The following DCAF6 variants were observed in gnomAD, a reference collection of about 807,000 sequenced individuals.
The protein encoded by DCAF6 is DDB1 and CUL4 associated factor 6, also known as DDB1- and CUL4-associated factor 6.
Under a neutral mutation model 125.1 loss-of-function variants are expected in DCAF6, and 54 were observed. That is an observed-to-expected ratio of 0.43 (90% confidence interval 0.35 to 0.54). The LOEUF (loss-of-function observed/expected upper bound fraction) is 0.54. Ranked by LOEUF, DCAF6 falls within the 20% of genes least tolerant of loss-of-function variation. DCAF6 has a pLI of 0.01. For synonymous variants in DCAF6, 371 were observed against 390.4 expected (o/e 0.95, Z 0.58); for missense variants, 934 against 1,161.7 (o/e 0.80, Z 2.85).
intron 2 of DCAF6, among the ~76,000 whole-genome samples, chr1:167,963,601 TGTGTTTTA>T: frequency 6.6e-6 from 1 of 150,892 alleles, no homozygotes; most frequent in South Asian, 2.1e-4. Context: ...AGCTAATTTT[TGTGTTTTA>T]GTAGAGATGG....
In DCAF6 at chr1:168,044,982, G is replaced by C. The variant is rs1225600258; in HGVS notation, c.2013G>C (p.Gly671=). 1 of 1,614,076 alleles carries C rather than the reference G, an allele frequency of 6.2e-7. No homozygotes were observed. The highest frequency in any genetic ancestry group is 8.5e-7 in the Non-Finnish European group (1 of 1,179,972). Residue 671 remains glycine, a synonymous_variant, in exon 16 of 22, where the codon GGG becomes GGC. Transcript: ENST00000367840. ...RNDLNLDRSC[G]VPEESASSEK... is the part of the protein sequence containing the mutation. ...ACCTCAATCTTGATCGCTCTTGTGG[G>C]GTTCCAGAAGAATCTGCTTCATCTG... is the stretch of plus-strand genomic sequence containing the variant.
At chr1:167,886,117 A>G in the DCAF6 span, among the ~76,000 whole-genome samples, 1 of 152,124 alleles carries the variant, frequency 6.6e-6, no homozygotes, top group Non-Finnish European at 1.5e-5. Context: ...AAATGGCCAT[A>G]CTGCTCAAGG....
At chr1:168,023,900 C>G (rs76667324) in intron 12 of DCAF6, 5 of 151,920 alleles carry the variant, frequency 3.3e-5, no homozygotes, top group Admixed American at 1.3e-4. Flanking sequence ...TGATTTAACA[C>G]GATATTCACT....
the DCAF6 span, among the ~76,000 whole-genome samples, chr1:167,907,720 A>T: frequency 6.6e-6 from 1 of 152,256 alleles, no homozygotes; most frequent in Non-Finnish European, 1.5e-5. Flanking sequence ...GCAAGCCAAC[A>T]TTATTTCCTA....
intron 7 of DCAF6, among the ~76,000 whole-genome samples, chr1:168,000,286 C>CATA (rs1160475613): frequency 6.6e-6 from 1 of 151,990 alleles, no homozygotes; most frequent in Non-Finnish European, 1.5e-5. Flanking sequence ...CACAGATCAC[C>CATA]ATAATAGGTA....
intron 17 of DCAF6, chr1:168,056,499 C>A: frequency 5.6e-6 from 1 of 177,442 alleles, no homozygotes; most frequent in East Asian, 2.6e-4. Flanking sequence ...GGGGCCCAGG[C>A]TTAAGTTTTT....
rs565197661 is a variant in DCAF6 at position 167,955,572 on chromosome 1, A to C, written c.159+3711A>C. ...ACTTCCTGAACTCTCATATTCATTC[A>C]AGTAGCTTTTTTTTTTCCTTAAGAT... On this transcript the variant is annotated intron_variant, in intron 2 of 21. Transcript: ENST00000367840. Among the ~76,000 whole-genome samples, 3 of 152,070 alleles carry C rather than the reference A, an allele frequency of 2.0e-5. No homozygotes were observed. The South Asian group carries it at 6.2e-4, about 32-fold the overall frequency.
chr1:167,882,830 G>A, the DCAF6 span, among the ~76,000 whole-genome samples: 7 of 152,046 alleles, frequency 4.6e-5, no homozygotes, highest in Non-Finnish European at 8.8e-5. Context: ...ACGTAATCTC[G>A]CCTTGTCCTG....
the DCAF6 span, among the ~76,000 whole-genome samples, chr1:167,885,095 T>C: frequency 6.6e-6 from 1 of 151,120 alleles, no homozygotes; most frequent in African/African-American, 2.4e-5. Flanking sequence ...TCCACTTCCA[T>C]CCACGTTGTT....
intron 4 of DCAF6, among the ~76,000 whole-genome samples, chr1:167,979,761 C>T (rs1678821095): frequency 6.6e-6 from 1 of 152,252 alleles, no homozygotes; most frequent in East Asian, 1.9e-4. Flanking sequence ...GTGGCAGGTG[C>T]CTGTAGTCCC....
intron 10 of DCAF6, among the ~76,000 whole-genome samples, chr1:168,010,262 T>TTA (rs370801908): frequency 7.6e-4 from 115 of 151,078 alleles, no homozygotes; most frequent in East Asian, 1.4e-3. Context: ...AATTGTCTCA[T>TTA]TATATATATA....
At position 167,974,814 on chromosome 1, in the gene DCAF6, T is replaced by G; in HGVS notation, c.253-16T>G. On this transcript the variant is annotated splice_polypyrimidine_tract_variant and intron_variant, in intron 3 of 21. Transcript: ENST00000367840. ...AATAATAAGTTACCATTAACTGCTT[T>G]CTTTGTGTGTTTTAGGTTTTGACAA... 1 of 1,481,626 alleles carries G rather than the reference T, an allele frequency of 6.7e-7. No homozygotes were observed. The allele number at this position is 1,481,626 out of a possible 1,614,324, so 91.8% of individuals were successfully genotyped here. A position where few individuals can be genotyped will look rare whatever the true frequency, so the allele number is the denominator to read the frequency against.
intron 3 of DCAF6, chr1:167,969,351 G>C (rs1676946764): frequency 6.6e-6 from 1 of 152,168 alleles, no homozygotes; most frequent in Non-Finnish European, 1.5e-5. Flanking sequence ...ACAGTGGCTA[G>C]GTTCTAGTGA....
the DCAF6 span, among the ~76,000 whole-genome samples, chr1:167,872,641 T>G: frequency 6.6e-6 from 1 of 151,732 alleles, no homozygotes; most frequent in African/African-American, 2.4e-5. Context: ...GCAGCCCTTG[T>G]AAAAGAAGGG....
At position 168,055,343 on chromosome 1, in the gene DCAF6, T is replaced by G. The variant is rs1302422323; in HGVS notation, c.2300+4410T>G. On this transcript the variant is annotated intron_variant, in intron 17 of 21. Coordinates refer to ENST00000367840, the MANE Select transcript of DCAF6 (RefSeq NM_001198956.2). ...AAATCAGGCTTAAGTTTTTTTTTTT[T>G]TTTTTTTTTTTTTTTTTAACGAAGA... Among the ~76,000 whole-genome samples the G allele has an allele frequency of 2.8e-4, 6 of 21,366 alleles. 2 individuals carry two copies. Among genetic ancestry groups the G allele is most frequent in the East Asian group, 1.7e-3 (3 of 1,808 alleles). The allele number at this position is 21,366 out of a possible 152,430, so 14.0% of individuals were successfully genotyped here.
intron 4 of DCAF6, among the ~76,000 whole-genome samples, chr1:167,976,617 C>T (rs74824308): frequency 0.017 from 2,644 of 152,182 alleles, 76 homozygotes; most frequent in African/African-American, 0.059. Context: ...ACAAGAATAT[C>T]GAACAAAGCC....
intron 16 of DCAF6, among the ~76,000 whole-genome samples, chr1:168,048,254 G>A (rs546557740): frequency 2.1e-4 from 32 of 152,214 alleles, no homozygotes; most frequent in Admixed American, 1.8e-3. Flanking sequence ...TTCCCTCCAT[G>A]CTGCCATTTG....
At chr1:168,023,201 A>T in intron 12 of DCAF6, 154 bp downstream of exon 12, 1 of 769,812 alleles carries the variant, frequency 1.3e-6, no homozygotes, top group South Asian at 1.6e-5. Flanking sequence ...GGTATTGTAC[A>T]TAAAAGGTCT....
chr1:167,953,555 G>T (rs1348154037), intron 2 of DCAF6, among the ~76,000 whole-genome samples: 1 of 152,128 alleles, frequency 6.6e-6, no homozygotes, highest in Non-Finnish European at 1.5e-5. Context: ...GGCACTTTAT[G>T]AATTATTCAT....
Sources: allele counts gnomAD v4.1 joint callset (sites outside exome capture counted in the v4.1 genomes callset), GRCh38; gene constraint gnomAD v4.1.1; transcripts MANE v1.5; gene names NCBI Gene and HGNC (gene_info 2026-07-23, HGNC 2026-07-21).